Variants in NRG3 observed in about 807,000 individuals in gnomAD.
NRG3 encodes the protein neuregulin 3.
Under a neutral mutation model 66.9 loss-of-function variants are expected in NRG3, and 31 were observed. The ratio of observed to expected loss-of-function variants is 0.46; its 90% CI spans 0.35 to 0.63. The LOEUF is 0.63. NRG3 is among the 20% of genes least tolerant of loss of function. NRG3 has a pLI of 0.00. For synonymous variants in NRG3, 393 were observed against 359.4 expected (o/e 1.09, Z -1.06); for missense variants, 910 against 878.9 (o/e 1.04, Z -0.45).
At chr10:82,113,353 G>C (rs1260265534) in intron 1 of NRG3, among the ~76,000 whole-genome samples, 1 of 152,152 alleles carries the variant, frequency 6.6e-6, no homozygotes. Flanking sequence ...CCCCGCTCCT[G>C]ATCACTATGC....
At chr10:82,519,591 T>G (rs1447835306) in intron 2 of NRG3, among the ~76,000 whole-genome samples, 4 of 152,212 alleles carry the variant, frequency 2.6e-5, no homozygotes, top group Admixed American at 2.6e-4. Context: ...GTACCCAGCC[T>G]GGTCCCATCT....
chr10:81,950,702 G>T (rs2133185754), intron 1 of NRG3, among the ~76,000 whole-genome samples: 1 of 152,252 alleles, frequency 6.6e-6, no homozygotes, highest in Admixed American at 6.5e-5. Context: ...GTATTTCATT[G>T]TATTACTGGC....
At chr10:82,575,200 AAAAATAG>A (rs1187700278) in intron 2 of NRG3, among the ~76,000 whole-genome samples, 1 of 151,788 alleles carries the variant, frequency 6.6e-6, no homozygotes, top group East Asian at 1.9e-4. Flanking sequence ...TTCATCTGTT[AAAAATAG>A]AAAACAAAAA....
intron 1 of NRG3, among the ~76,000 whole-genome samples, chr10:82,076,970 G>A (rs984892356): frequency 6.6e-6 from 1 of 152,152 alleles, no homozygotes; most frequent in African/African-American, 2.4e-5. Context: ...TGTTGATACT[G>A]GACTTACTGG....
intron 2 of NRG3, among the ~76,000 whole-genome samples, chr10:82,581,277 G>A (rs1329733897): frequency 3.3e-5 from 5 of 151,790 alleles, no homozygotes; most frequent in African/African-American, 7.3e-5. Flanking sequence ...TTTTAATTAG[G>A]TTGTTTCTTT....
intron 2 of NRG3, among the ~76,000 whole-genome samples, chr10:82,698,751 A>G (rs1240965910): frequency 6.6e-6 from 1 of 151,968 alleles, no homozygotes; most frequent in East Asian, 1.9e-4. Flanking sequence ...TGAGGAACAA[A>G]GGAGAACACA....
intron 1 of NRG3, among the ~76,000 whole-genome samples, chr10:82,060,348 T>C (rs1372634224): frequency 1.3e-5 from 2 of 152,202 alleles, no homozygotes; most frequent in African/African-American, 4.8e-5. Context: ...AAAAAAGACT[T>C]GCTTAAACTG....
intron 1 of NRG3, among the ~76,000 whole-genome samples, chr10:81,979,702 A>G (rs2060263657): frequency 6.6e-6 from 1 of 152,224 alleles, no homozygotes; most frequent in Non-Finnish European, 1.5e-5. Flanking sequence ...ATACGGACTC[A>G]CATGCATGCA....
chr10:82,445,453 C>G (rs370363774), intron 2 of NRG3, among the ~76,000 whole-genome samples: 52 of 152,240 alleles, frequency 3.4e-4, no homozygotes, highest in African/African-American at 1.2e-3. Context: ...TCACTTCTAT[C>G]CTAGGTTCAT....
chr10:82,633,807 G>T (rs1487932119), intron 2 of NRG3, among the ~76,000 whole-genome samples: 1 of 152,162 alleles, frequency 6.6e-6, no homozygotes, highest in Non-Finnish European at 1.5e-5. Context: ...TTAAGCAGAG[G>T]TTGTAGTGGT....
intron 2 of NRG3, among the ~76,000 whole-genome samples, chr10:82,427,545 G>A (rs995458864): frequency 6.6e-6 from 1 of 152,028 alleles, no homozygotes; most frequent in African/African-American, 2.4e-5. Flanking sequence ...AAATGTTTAT[G>A]TTGTACAATC....
intron 6 of NRG3, among the ~76,000 whole-genome samples, chr10:82,964,491 T>C (rs79339489): frequency 0.013 from 1,975 of 152,314 alleles, 20 homozygotes; most frequent in Non-Finnish European, 0.02. Context: ...ATTATTTTGC[T>C]TTAAAGGAAA....
chr10:82,912,185 G>C (rs1052567733), intron 4 of NRG3, among the ~76,000 whole-genome samples: 8 of 152,162 alleles, frequency 5.3e-5, no homozygotes. Context: ...AGATCCAGTT[G>C]GTTGACAGTG....
chr10:82,080,948 T>C lies in NRG3; in HGVS notation c.823+204785T>C, dbSNP rs373760075. Reference sequence around the variant, plus strand: ...CAGCCTTGGTAACCTGTATTCTACTTTCTGTCTCTATGAATTAGGATGCTT... The same window carrying C: ...CAGCCTTGGTAACCTGTATTCTACTCTCTGTCTCTATGAATTAGGATGCTT... On this transcript the variant is annotated intron_variant, in intron 1 of 8. Coordinates refer to ENST00000372141, the MANE Select transcript of NRG3 (RefSeq NM_001010848.4). Among the ~76,000 whole-genome samples, 12 of 152,304 alleles carry C rather than the reference T, an allele frequency of 7.9e-5. No individual in the cohort carries two copies. In the South Asian group the frequency reaches 1.0e-3, roughly 13 times the overall value.
chr10:82,819,928 C>T (rs1207355022), intron 3 of NRG3, among the ~76,000 whole-genome samples: 1 of 152,108 alleles, frequency 6.6e-6, no homozygotes, highest in Non-Finnish European at 1.5e-5. Context: ...GCAGAACTTG[C>T]AGTAGGCAGC....
intron 1 of NRG3, among the ~76,000 whole-genome samples, chr10:82,168,562 A>G (rs1441250578): frequency 1.3e-5 from 2 of 152,094 alleles, no homozygotes; most frequent in Non-Finnish European, 2.9e-5. Context: ...CAACCAGACT[A>G]CCTAGAATAG....
At chr10:82,221,411 C>G (rs997113935) in intron 1 of NRG3, among the ~76,000 whole-genome samples, 9 of 152,098 alleles carry the variant, frequency 5.9e-5, no homozygotes, top group African/African-American at 2.2e-4. Flanking sequence ...GCCTTCCAGC[C>G]CCCCTCCATA....
At chr10:82,462,879 A>G (rs893196250) in intron 2 of NRG3, among the ~76,000 whole-genome samples, 4 of 151,990 alleles carry the variant, frequency 2.6e-5, no homozygotes, top group African/African-American at 9.7e-5. Flanking sequence ...ATTTTTTCCT[A>G]TTTTGTTGAT....
At chr10:82,309,149 C>T (rs930797945) in intron 1 of NRG3, among the ~76,000 whole-genome samples, 2 of 152,180 alleles carry the variant, frequency 1.3e-5, no homozygotes, top group South Asian at 2.1e-4. Context: ...CCTAAGATCC[C>T]GTCAAGCTCT....
Sources: allele counts gnomAD v4.1 joint callset (sites outside exome capture counted in the v4.1 genomes callset), GRCh38; gene constraint gnomAD v4.1.1; transcripts MANE v1.5; gene names NCBI Gene and HGNC (gene_info 2026-07-23, HGNC 2026-07-21).